The following SLCO3A1 variants were observed in gnomAD, a reference collection of about 807,000 sequenced individuals.
SLCO3A1 encodes the protein solute carrier organic anion transporter family member 3A1.
SLCO3A1 carries 27 observed loss-of-function variants against 63.1 expected under a neutral mutation model. That is an observed-to-expected ratio of 0.43 (90% confidence interval 0.32 to 0.59). The LOEUF (loss-of-function observed/expected upper bound fraction) is 0.59. SLCO3A1 is among the 20% of genes least tolerant of loss of function. SLCO3A1 has a pLI of 0.09. For synonymous variants in SLCO3A1, 473 were observed against 409.9 expected, an observed-to-expected ratio of 1.15 and a Z score of -1.86; for missense variants, 773 against 945.8, an observed-to-expected ratio of 0.82 and a Z score of 2.40.
In SLCO3A1 at chr15:91,912,507, A is replaced by ATT. The variant is rs1010323775; in HGVS notation, c.181-3481_181-3480dup. ...TTATCTGTCTCTAAAAGAACTGATT[A>ATT]TTTTTTGTTTTGCCCACAGCTGTCT... is the stretch of plus-strand genomic sequence containing the variant. On this transcript the variant is annotated intron_variant, in intron 1 of 9. Transcript: ENST00000318445. This position sits in a 1 kb window ranked among gnomAD's most constrained non-coding sequence, Gnocchi z 5.0. 3.9e-5 allele frequency among the ~76,000 whole-genome samples: 6 copies of ATT among 152,230 alleles called. No homozygotes were observed. The highest frequency in any genetic ancestry group is 1.2e-4 in the African/African-American group (5 of 41,556).
At chr15:91,926,596 T>TGCGCGCGCGCGC (rs141222641) in intron 2 of SLCO3A1, among the ~76,000 whole-genome samples, 2 of 105,256 alleles carry the variant, frequency 1.9e-5, no homozygotes, top group African/African-American at 7.3e-5. Flanking sequence ...TGTGTGTGTG[T>TGCGCGCGCGCGC]GCGCGCGCGC....
At chr15:92,089,388 G>A (rs1184767723) in intron 2 of SLCO3A1, among the ~76,000 whole-genome samples, 1 of 151,210 alleles carries the variant, frequency 6.6e-6, no homozygotes, top group Non-Finnish European at 1.5e-5. Context: ...ACTCGGTGCA[G>A]GGTGGGGTCT....
chr15:91,965,228 C>T (rs958198674), intron 2 of SLCO3A1, among the ~76,000 whole-genome samples: 1 of 152,200 alleles, frequency 6.6e-6, no homozygotes, highest in Admixed American at 6.5e-5. Flanking sequence ...GCAGACCCCT[C>T]TCCCACCACC....
In SLCO3A1 at chr15:91,883,296, C is replaced by T. The variant is rs1897641871; in HGVS notation, c.180+29208C>T. On this transcript the variant is annotated intron_variant, in intron 1 of 9. Transcript: ENST00000318445. This position sits in a 1 kb window ranked among gnomAD's most constrained non-coding sequence, Gnocchi z 4.8. ...GGAGAGTGAAGAGAGAAACTTGGCACCGGGACCCTAGAATCCCCTCTTTCT... is the reference window on the plus strand; with the variant it reads ...GGAGAGTGAAGAGAGAAACTTGGCATCGGGACCCTAGAATCCCCTCTTTCT... Among the ~76,000 whole-genome samples the T allele has an allele frequency of 6.6e-6, 1 of 152,282 alleles. No homozygotes were observed. The highest frequency in any genetic ancestry group is 2.4e-5 in the African/African-American group (1 of 41,550).
At position 92,080,652 on chromosome 15, in the gene SLCO3A1, C is replaced by G. The variant is rs113716345; in HGVS notation, c.647-14229C>G. On this transcript the variant is annotated intron_variant, in intron 2 of 9. Coordinates refer to ENST00000318445, the MANE Select transcript of SLCO3A1 (RefSeq NM_013272.4). ...ATACCAGACAGCAGTAGGGGCCATA[C>G]TCGGTGCCCCAGAGGCCACACGGGG... 9.0e-4 allele frequency among the ~76,000 whole-genome samples: 137 copies of G among 152,314 alleles called. 2 individuals are homozygous for G. The highest frequency in any genetic ancestry group is 3.0e-3 in the African/African-American group (126 of 41,566).
At chr15:91,969,453 G>A (rs976774818) in intron 2 of SLCO3A1, among the ~76,000 whole-genome samples, 12 of 151,978 alleles carry the variant, frequency 7.9e-5, no homozygotes, top group South Asian at 2.1e-4. Context: ...TTACAGGTAC[G>A]TGCCACCATG....
In SLCO3A1 at chr15:91,890,598, G is replaced by A. The variant is rs117374898; in HGVS notation, c.181-25395G>A. 5.7e-3 allele frequency among the ~76,000 whole-genome samples: 871 copies of A among 152,332 alleles called. 2 individuals are homozygous for A. The highest frequency in any genetic ancestry group is 0.014 in the Middle Eastern group (4 of 294). ...ATCATTTTACTTCCTCCCATGAAGA[G>A]ACTTAACTGGAATTCTGAGAAAATG... On this transcript the variant is annotated intron_variant, in intron 1 of 9. Coordinates refer to ENST00000318445, the MANE Select transcript of SLCO3A1 (RefSeq NM_013272.4).
At chr15:91,934,810 A>G (rs1899350241) in intron 2 of SLCO3A1, among the ~76,000 whole-genome samples, 1 of 152,130 alleles carries the variant, frequency 6.6e-6, no homozygotes, top group African/African-American at 2.4e-5. Flanking sequence ...TGTTAAGCCT[A>G]GTTTTTGTTG....
rs1899960905 is a variant in SLCO3A1 at position 91,950,427 on chromosome 15, T to A, written c.646+33969T>A. Among the ~76,000 whole-genome samples the A allele has an allele frequency of 6.6e-6, 1 of 151,886 alleles. No individual in the cohort carries two copies. The highest frequency in any genetic ancestry group is 1.5e-5 in the Non-Finnish European group (1 of 67,952). On this transcript the variant is annotated intron_variant, in intron 2 of 9. Coordinates refer to ENST00000318445, the MANE Select transcript of SLCO3A1 (RefSeq NM_013272.4). The surrounding 1 kb of genome is among the most constrained non-coding windows in gnomAD (Gnocchi z 4.4). Reference sequence around the variant, plus strand: ...GATCCCAGGCCTTGACCAAATGGGGTCTCTAATCCCCAAGGGTCCCGGTGG... The same window carrying A: ...GATCCCAGGCCTTGACCAAATGGGGACTCTAATCCCCAAGGGTCCCGGTGG...
intron 2 of SLCO3A1, among the ~76,000 whole-genome samples, chr15:91,977,200 G>A (rs1430678296): frequency 6.6e-6 from 1 of 152,204 alleles, no homozygotes; most frequent in East Asian, 1.9e-4. Flanking sequence ...TTTTGTCAGT[G>A]CAATGAGACC....
At position 91,862,163 on chromosome 15, in the gene SLCO3A1, A is replaced by T. The variant is rs1044208498; in HGVS notation, c.180+8075A>T. ...ATGAAGTCTTATTTTTTTATTTTTT[A>T]TTTTTTTTTTGAGACAGTCTCACAC... On this transcript the variant is annotated intron_variant, in intron 1 of 9. Coordinates refer to ENST00000318445, the MANE Select transcript of SLCO3A1 (RefSeq NM_013272.4). The surrounding 1 kb of genome is among the most constrained non-coding windows in gnomAD (Gnocchi z 4.0). 9.5e-5 allele frequency among the ~76,000 whole-genome samples: 14 copies of T among 147,590 alleles called. No individual in the cohort carries two copies. Among genetic ancestry groups the T allele is most frequent in the East Asian group, 4.0e-4 (2 of 4,994 alleles).
chr15:92,153,320 T>C (rs1215446634), intron 9 of SLCO3A1, among the ~76,000 whole-genome samples: 1 of 152,202 alleles, frequency 6.6e-6, no homozygotes, highest in Admixed American at 6.5e-5. Context: ...TCTAGTCTAT[T>C]ACATGCTTTT....
intron 2 of SLCO3A1, among the ~76,000 whole-genome samples, chr15:91,994,509 TC>T (rs2046166864): frequency 6.6e-6 from 1 of 152,212 alleles, no homozygotes; most frequent in South Asian, 2.1e-4. Context: ...GTCCATGCCC[TC>T]AGCAGCTACG....
chr15:92,051,624 G>A (rs1398548190), intron 2 of SLCO3A1, among the ~76,000 whole-genome samples: 2 of 152,134 alleles, frequency 1.3e-5, no homozygotes, highest in Non-Finnish European at 2.9e-5. Context: ...GAATCAAGGA[G>A]GGGCTTTGGA....
chr15:92,016,413 A>C (rs1426192145), intron 2 of SLCO3A1, among the ~76,000 whole-genome samples: 1 of 151,964 alleles, frequency 6.6e-6, no homozygotes, highest in South Asian at 2.1e-4. Flanking sequence ...AATCCCCCCA[A>C]CTCAGCTGGG....
chr15:92,134,969 A>G (rs2048038780), intron 7 of SLCO3A1, among the ~76,000 whole-genome samples: 1 of 152,140 alleles, frequency 6.6e-6, no homozygotes, highest in Non-Finnish European at 1.5e-5. Flanking sequence ...ATGTAAAAAA[A>G]ATTAGCAGGG....
chr15:92,088,521 T>A (rs1211456863), intron 2 of SLCO3A1, among the ~76,000 whole-genome samples: 1 of 152,244 alleles, frequency 6.6e-6, no homozygotes, highest in Non-Finnish European at 1.5e-5. Context: ...TATTGCAAAC[T>A]TAGTGTAAAA....
At chr15:91,927,661 C>T (rs1247185305) in intron 2 of SLCO3A1, among the ~76,000 whole-genome samples, 3 of 152,120 alleles carry the variant, frequency 2.0e-5, no homozygotes, top group Non-Finnish European at 4.4e-5. Flanking sequence ...CTGTAATGTT[C>T]CAAGCAAGTG....
intron 7 of SLCO3A1, among the ~76,000 whole-genome samples, chr15:92,130,391 T>C (rs940545719): frequency 2.6e-5 from 4 of 152,220 alleles, no homozygotes; most frequent in African/African-American, 7.2e-5. Context: ...TGCTGGGGTG[T>C]AGGTGAGGCA....
Sources: allele counts gnomAD v4.1 joint callset (sites outside exome capture counted in the v4.1 genomes callset), GRCh38; gene constraint gnomAD v4.1.1; non-coding constraint Gnocchi (gnomAD v3.1); transcripts MANE v1.5; gene names NCBI Gene and HGNC (gene_info 2026-07-23, HGNC 2026-07-21).